Variants in MCF2L2 observed in about 807,000 individuals in gnomAD.
MCF2L2 encodes the protein probable guanine nucleotide exchange factor MCF2L2.
In MCF2L2, 102 loss-of-function variants were observed where a neutral mutation model predicts 150.2. The ratio of observed to expected loss-of-function variants is 0.68; its 90% confidence interval spans 0.58 to 0.80. MCF2L2 has a LOEUF of 0.80. Among genes scored for constraint, MCF2L2 ranks in the 30% least tolerant of loss-of-function variants. The pLI is 0.00. For missense variants in MCF2L2, 1,256 were observed against 1,372.8 expected, an observed-to-expected ratio of 0.91 and a Z score of 1.34; for synonymous variants, 465 against 491.3, an observed-to-expected ratio of 0.95 and a Z score of 0.71.
intron 23 of MCF2L2, 27 bp from the exon 24 acceptor site, chr3:183,206,241 T>A: frequency 1.3e-6 from 2 of 1,502,312 alleles, no homozygotes; most frequent in Non-Finnish European, 1.9e-6. Flanking sequence ...AGAGAAATGT[T>A]CTATACCATC....
At chr3:183,380,300 G>T (rs1713444837) in intron 2 of MCF2L2, among the ~76,000 whole-genome samples, 1 of 152,162 alleles carries the variant, frequency 6.6e-6, no homozygotes, top group Admixed American at 6.5e-5. Flanking sequence ...TGGGAGCACT[G>T]TGACTGTTTT....
chr3:183,201,718 T>C (rs188137468), intron 25 of MCF2L2, among the ~76,000 whole-genome samples: 2 of 152,344 alleles, frequency 1.3e-5, no homozygotes, highest in Admixed American at 1.3e-4. Context: ...TCAAAGGGAA[T>C]ACTTCCAGTT....
At chr3:183,229,833 C>A in intron 16 of MCF2L2, 52 bp from the exon 17 acceptor site, 1 of 759,766 alleles carries the variant, frequency 1.3e-6, no homozygotes, top group South Asian at 1.8e-5. Context: ...TACCAGAGAT[C>A]ATCTGAATTA....
At chr3:183,397,162 G>A (rs1714511861) in intron 1 of MCF2L2, among the ~76,000 whole-genome samples, 2 of 152,166 alleles carry the variant, frequency 1.3e-5, no homozygotes, top group Admixed American at 1.3e-4. Context: ...TTAACCACAA[G>A]TCTTAGTCTG....
chr3:183,318,008 G>C, intron 7 of MCF2L2, 60 bp downstream of exon 7: 1 of 1,583,674 alleles, frequency 6.3e-7, no homozygotes, highest in Non-Finnish European at 8.6e-7. Context: ...AGCTCTCTCC[G>C]AGAGGCAGGC....
At chr3:183,260,011 C>G (rs9813862) in intron 15 of MCF2L2, among the ~76,000 whole-genome samples, 24,824 of 152,132 alleles carry the variant, frequency 0.16, 4,817 homozygotes, top group African/African-American at 0.47. Context: ...CTGCCCACCT[C>G]CTCCCCTGCC....
At chr3:183,299,580 A>G in intron 11 of MCF2L2, 1 of 167,314 alleles carries the variant, frequency 6.0e-6, no homozygotes, top group Non-Finnish European at 1.3e-5. Flanking sequence ...GATACATGGT[A>G]GGGGGTATAA....
At chr3:183,341,038 T>G (rs1730674955) in intron 4 of MCF2L2, among the ~76,000 whole-genome samples, 1 of 152,160 alleles carries the variant, frequency 6.6e-6, no homozygotes. Flanking sequence ...AGGTAGTTTG[T>G]TGGGGAAGTG....
In MCF2L2 at chr3:183,223,360, G is replaced by T; in HGVS notation, c.2287C>A (p.Gln763Lys). The change falls in exon 20 of 30, where the codon CAG (glutamine) becomes AAG (lysine). Residue 763 changes from glutamine (Q) to lysine (K), a missense_variant. Coordinates refer to ENST00000328913, the MANE Select transcript of MCF2L2 (RefSeq NM_015078.4). ...KGPSQRLIKY[Q>K]MLLKGLLDFE... ...ATTGATTTTACCTTCAACAGCATCT[G>T]GTATTTTATAAGTCTCTGGCTTGGT... The T allele has an allele frequency of 1.2e-6, 2 of 1,613,414 alleles. No homozygotes were observed. Among genetic ancestry groups the T allele is most frequent in the Non-Finnish European group, 1.7e-6 (2 of 1,179,336 alleles).
intron 3 of MCF2L2, chr3:183,377,547 G>T (rs971144608): frequency 6.6e-6 from 1 of 152,130 alleles, no homozygotes; most frequent in African/African-American, 2.4e-5. Context: ...TTTTAAAAAC[G>T]AAAGAGAAGA....
At chr3:183,387,126 C>T (rs1321241036) in intron 2 of MCF2L2, among the ~76,000 whole-genome samples, 1 of 151,730 alleles carries the variant, frequency 6.6e-6, no homozygotes, top group Admixed American at 6.6e-5. Flanking sequence ...TGATGGTGTG[C>T]GCCAATGCCT....
At chr3:183,275,419 G>A (rs2108456993) in intron 15 of MCF2L2, among the ~76,000 whole-genome samples, 1 of 152,316 alleles carries the variant, frequency 6.6e-6, no homozygotes, top group African/African-American at 2.4e-5. Context: ...TTTAGTCAAA[G>A]CTGGTGGTAG....
At chr3:183,404,644 C>T (rs751891247) in intron 1 of MCF2L2, among the ~76,000 whole-genome samples, 1 of 152,130 alleles carries the variant, frequency 6.6e-6, no homozygotes, top group African/African-American at 2.4e-5. Context: ...GGGTGGATCA[C>T]GAGGTCAGGT....
intron 7 of MCF2L2, among the ~76,000 whole-genome samples, chr3:183,317,525 C>A (rs1182819959): frequency 6.6e-6 from 1 of 152,150 alleles, no homozygotes; most frequent in Non-Finnish European, 1.5e-5. Context: ...CAACTCAGGA[C>A]AGGGTGCCTT....
intron 5 of MCF2L2, 108 bp downstream of exon 5, chr3:183,338,692 T>C (rs1730586479): frequency 8.4e-7 from 1 of 1,190,144 alleles, no homozygotes; most frequent in Admixed American, 2.8e-5. Context: ...AGAGAACCCT[T>C]TTCTCCCTCT....
chr3:183,326,632 G>GCACCTTT (rs1730051289), intron 5 of MCF2L2, among the ~76,000 whole-genome samples: 1 of 151,908 alleles, frequency 6.6e-6, no homozygotes, highest in Admixed American at 6.6e-5. Context: ...GAGGTCCTAG[G>GCACCTTT]CACCTTTCAC....
At chr3:183,205,852 C>G (rs777351592) in intron 25 of MCF2L2, 24 bp downstream of exon 25, 1 of 1,583,982 alleles carries the variant, frequency 6.3e-7, no homozygotes, top group Admixed American at 1.7e-5. Context: ...ACTCGACAGA[C>G]GAAAGTCAGC....
chr3:183,255,600 G>A (rs1724971289), intron 15 of MCF2L2, among the ~76,000 whole-genome samples: 1 of 152,222 alleles, frequency 6.6e-6, no homozygotes, highest in South Asian at 2.1e-4. Context: ...CCAAAGCTCA[G>A]AGCAGCTGTT....
chr3:183,313,604 A>G (rs1729476298), intron 7 of MCF2L2, among the ~76,000 whole-genome samples: 1 of 152,218 alleles, frequency 6.6e-6, no homozygotes, highest in Admixed American at 6.5e-5. Context: ...TGGAAAGGGT[A>G]AGGGGAAGTT....
Sources: gnomAD v4.1 joint callset for allele counts (sites outside exome capture counted in the v4.1 genomes callset) on GRCh38, gnomAD v4.1.1 for gene constraint, MANE v1.5 for transcripts, NCBI Gene and HGNC (gene_info 2026-07-23, HGNC 2026-07-21) for gene names.